The following GAS6 variants were observed in gnomAD, a reference collection of about 807,000 sequenced individuals.
GAS6 encodes the protein growth arrest-specific protein 6.
Under a neutral mutation model 75.8 loss-of-function variants are expected in GAS6, and 41 were observed. The ratio of observed to expected loss-of-function variants is 0.54; its 90% CI spans 0.42 to 0.70. The LOEUF (loss-of-function observed/expected upper bound fraction) is 0.70, where lower values mean the gene tolerates loss of function less well. GAS6 is among the 30% of genes least tolerant of loss of function. The pLI is 0.00. For synonymous variants in GAS6, 432 were observed against 412.6 expected, an observed-to-expected ratio of 1.05 and a Z score of -0.57; for missense variants, 854 against 940.2, an observed-to-expected ratio of 0.91 and a Z score of 1.20.
chr13:113,854,798 GATGCTGGCCACAAGA>G (rs2051901454), intron 2 of GAS6, among the ~76,000 whole-genome samples: 1 of 152,250 alleles, frequency 6.6e-6, no homozygotes, highest in Non-Finnish European at 1.5e-5. Context: ...GGATGGGAGG[GATGCTGGCCACAAGA>G]AACACTACAA....
In GAS6 at chr13:113,863,648, A is replaced by AG; in HGVS notation, c.181dup (p.Leu61ProfsTer58). The AG allele has an allele frequency of 1.3e-6, 2 of 1,524,722 alleles. No homozygotes were observed. Among genetic ancestry groups the AG allele is most frequent in the South Asian group, 1.2e-5 (1 of 82,044 alleles). 94.4% of individuals were successfully genotyped at this position (1,524,722 alleles called of 1,614,324 possible). On this transcript the variant is annotated frameshift_variant, in exon 2 of 15. Transcript: ENST00000327773. LOFTEE classifies it high-confidence loss of function. This position sits in a 1 kb window ranked among gnomAD's most constrained non-coding sequence, Gnocchi z 9.4. ...CAGCTCCTCCACGCACTCCCTCTCC[A>AG]GGTGGCCCTGCTTGGCCTCCTCGAA...
chr13:113,861,463 C>T (rs923457153), intron 2 of GAS6, among the ~76,000 whole-genome samples: 1 of 152,232 alleles, frequency 6.6e-6, no homozygotes, highest in Non-Finnish European at 1.5e-5. Context: ...CCTCAATCAG[C>T]CGCACTGCAC....
intron 6 of GAS6, chr13:113,836,190 C>T: frequency 1.0e-5 from 2 of 196,490 alleles, no homozygotes; most frequent in Non-Finnish European, 1.2e-5. Context: ...AAGGCAGGGG[C>T]ACGGAGAAAG....
intron 2 of GAS6, among the ~76,000 whole-genome samples, chr13:113,851,986 G>C (rs1233848806): frequency 1.3e-5 from 2 of 152,190 alleles, no homozygotes; most frequent in African/African-American, 2.4e-5. Context: ...TCGGAGGTTT[G>C]TGTGCTTTGC....
chr13:113,822,000 G>A lies in GAS6; in HGVS notation c.1840C>T (p.His614Tyr). 6.4e-7 allele frequency: 1 copy of A among 1,553,272 alleles called. No homozygotes were observed. Among genetic ancestry groups the A allele is most frequent in the Non-Finnish European group, 8.7e-7 (1 of 1,151,336 alleles). Residue 614 changes from histidine (H) to tyrosine (Y), a missense_variant, in exon 14 of 15, where the codon CAC becomes TAC. Transcript: ENST00000327773. ...AAGGTGAGCACGGGGCTCCGCAGGTGCCTCTCGAGCACGGCCAGCCTCTCC... is the reference window on the plus strand; with the variant it reads ...AAGGTGAGCACGGGGCTCCGCAGGTACCTCTCGAGCACGGCCAGCCTCTCC... ...LQERLAVLER[H>Y]LRSPVLTFAG... is the part of the protein sequence containing the mutation.
intron 7 of GAS6, 154 bp from the exon 8 acceptor site, chr13:113,834,826 C>G (rs571534735): frequency 7.9e-6 from 6 of 756,224 alleles, no homozygotes; most frequent in Non-Finnish European, 9.3e-6. Context: ...CGTCCCCCCC[C>G]ACTGGAAAGC....
At chr13:113,833,689 A>C in intron 8 of GAS6, 3 of 984,644 alleles carry the variant, frequency 3.0e-6, no homozygotes, top group Non-Finnish European at 3.6e-6. Flanking sequence ...ACCGGTGACA[A>C]GTCAGTGTGA....
At chr13:113,828,803 C>A in intron 10 of GAS6, 92 bp from the exon 11 acceptor site, 1 of 1,443,456 alleles carries the variant, frequency 6.9e-7, no homozygotes, top group East Asian at 2.3e-5. Context: ...TCTCCTGAGC[C>A]AAGAGGGTCC....
chr13:113,821,884 G>T, intron 14 of GAS6, 74 bp downstream of exon 14: 2 of 1,211,554 alleles, frequency 1.7e-6, no homozygotes, highest in South Asian at 1.5e-5. Context: ...GCCTGTCCAG[G>T]TTAGATCTGG....
rs1190350980 is a variant in GAS6 at position 113,820,859 on chromosome 13, G to A, written c.*5C>T. 2.5e-6 allele frequency: 4 copies of A among 1,608,660 alleles called. No individual in the cohort carries two copies. In the African/African-American group the frequency reaches 4.0e-5, roughly 16 times the overall value. ...ACTGAGAAGCCTGCCGCGTCCCGTG[G>A]GGGCCTAGGCTGCGGCGGGCTCCAC... On this transcript the variant is annotated 3_prime_UTR_variant, in exon 15 of 15. Coordinates refer to ENST00000327773, the MANE Select transcript of GAS6 (RefSeq NM_000820.4).
At chr13:113,839,396 T>A (rs145628797) in intron 5 of GAS6, 2 of 186,072 alleles carry the variant, frequency 1.1e-5, no homozygotes, top group South Asian at 1.0e-4. Context: ...GAGGTGAAAT[T>A]TCCCCCCCGC....
At chr13:113,822,278 TACGCCGC>T in intron 13 of GAS6, 92 bp from the exon 14 acceptor site, 1 of 984,080 alleles carries the variant, frequency 1.0e-6, no homozygotes, top group African/African-American at 1.6e-5. Context: ...TGGCCACCCC[TACGCCGC>T]ACGCCTGTCT....
Position 113,828,555 on chromosome 13 carries a change from C to A in GAS6, c.1300G>T (p.Val434Leu). The change falls in exon 11 of 15, where the codon GTG becomes TTG. Residue 434 changes from valine (V) to leucine (L), a missense_variant. Val to Leu is a conservative substitution (Grantham distance 32, BLOSUM62 1). Transcript: ENST00000327773. ...GGIPFHEKDLVQPINPRLDGC... is the reference protein window; with the variant it reads ...GGIPFHEKDLLQPINPRLDGC... ...ACAGGTACAGTACTCACAGGCTGCA[C>A]GAGGTCCTTCTCATGGAAGGGAATA... 6.2e-7 allele frequency: 1 copy of A among 1,613,200 alleles called. No individual in the cohort carries two copies. The highest frequency in any genetic ancestry group is 8.5e-7 in the Non-Finnish European group (1 of 1,179,852).
chr13:113,820,746 C>T lies in GAS6; in HGVS notation c.*118G>A, dbSNP rs1228372004. The T allele has an allele frequency of 2.9e-5, 34 of 1,164,102 alleles. No homozygotes were observed. In the South Asian group the frequency reaches 4.0e-4, roughly 14 times the overall value. The allele number at this position is 1,164,102 out of a possible 1,614,324, so 72.1% of individuals were successfully genotyped here. A position where few individuals can be genotyped will look rare whatever the true frequency, so the allele number is the denominator to read the frequency against. On this transcript the variant is annotated 3_prime_UTR_variant, in exon 15 of 15. Coordinates refer to ENST00000327773, the MANE Select transcript of GAS6 (RefSeq NM_000820.4). ...CACTATTTACAGATATGTTACAGGCCGGGATGGTCACAGAGGAAAGCCCAG... is the reference window on the plus strand; with the variant it reads ...CACTATTTACAGATATGTTACAGGCTGGGATGGTCACAGAGGAAAGCCCAG...
rs945806372 is a variant in GAS6, at chr13:113,836,012, C to A, written c.590-377G>T. The A allele has an allele frequency of 6.8e-6, 7 of 1,031,062 alleles. No homozygotes were observed. In the African/African-American group the frequency reaches 1.0e-4, roughly 15 times the overall value. 63.9% of individuals were successfully genotyped at this position (1,031,062 alleles called of 1,614,324 possible). On this transcript the variant is annotated intron_variant, in intron 6 of 14. Transcript: ENST00000327773. ...GGGGCATTTGAAACTAAAACCCCAA[C>A]CCCAAAGAGAAGCATTTACTGGTTT...
intron 2 of GAS6, among the ~76,000 whole-genome samples, chr13:113,856,575 A>C (rs565018671): frequency 2.0e-5 from 3 of 152,300 alleles, no homozygotes; most frequent in Non-Finnish European, 4.4e-5. Context: ...TGGATCTGAG[A>C]ACGGGAGTGA....
chr13:113,833,560 C>T, intron 8 of GAS6: 2 of 984,192 alleles, frequency 2.0e-6, no homozygotes, highest in South Asian at 4.2e-5. Flanking sequence ...GTGGGTACTG[C>T]ATTCCTACCG....
At chr13:113,857,948 C>T (rs1001876497) in intron 2 of GAS6, among the ~76,000 whole-genome samples, 24 of 152,326 alleles carry the variant, frequency 1.6e-4, no homozygotes, top group Admixed American at 4.6e-4. Flanking sequence ...GGAGCCAGCA[C>T]GGAAGACGGC....
At chr13:113,847,919 A>T (rs753548002) in intron 3 of GAS6, 107 bp downstream of exon 3, 1 of 1,036,338 alleles carries the variant, frequency 9.6e-7, no homozygotes, top group South Asian at 1.3e-5. Context: ...TGTGATTAAG[A>T]ATCTTCCTTC....
Sources: allele counts gnomAD v4.1 joint callset (sites outside exome capture counted in the v4.1 genomes callset), GRCh38; gene constraint gnomAD v4.1.1; non-coding constraint Gnocchi (gnomAD v3.1); transcripts MANE v1.5; gene names NCBI Gene and HGNC (gene_info 2026-07-23, HGNC 2026-07-21).